SPARCL1: variants seen among roughly 807,000 people sequenced by gnomAD.
SPARCL1 encodes the protein SPARC like 1, also known as SPARC-like protein 1.
Under a neutral mutation model 67.1 loss-of-function variants are expected in SPARCL1, and 52 were observed. The observed-to-expected ratio is 0.78, with a 90% CI of 0.62 to 0.98. SPARCL1 has a LOEUF of 0.98. Ranked by LOEUF, SPARCL1 falls within the 50% of genes least tolerant of loss-of-function variation. The pLI is 0.00. For missense variants in SPARCL1, 717 were observed against 782.4 expected, an observed-to-expected ratio of 0.92 and a Z score of 1.00; for synonymous variants, 226 against 267.8, an observed-to-expected ratio of 0.84 and a Z score of 1.52.
chr4:87,479,368 C>T (rs941452039), intron 10 of SPARCL1, 62 bp downstream of exon 10: 3 of 1,544,232 alleles, frequency 1.9e-6, no homozygotes, highest in Non-Finnish European at 2.6e-6. Context: ...ATGAAGCATG[C>T]AGGGCTTAGG....
chr4:87,508,666 G>A (rs1212273751), intron 1 of SPARCL1, among the ~76,000 whole-genome samples: 1 of 151,752 alleles, frequency 6.6e-6, no homozygotes, highest in Non-Finnish European at 1.5e-5. Context: ...TAGAAGATTA[G>A]AGAGAGAGAA....
chr4:87,509,714 T>A (rs1332682415), intron 1 of SPARCL1, among the ~76,000 whole-genome samples: 2 of 152,178 alleles, frequency 1.3e-5, no homozygotes, highest in African/African-American at 4.8e-5. Flanking sequence ...CATAGTGCAT[T>A]AAACAAGGAA....
intron 1 of SPARCL1, among the ~76,000 whole-genome samples, chr4:87,522,409 A>G (rs376396590): frequency 6.6e-6 from 1 of 151,852 alleles, no homozygotes; most frequent in African/African-American, 2.4e-5. Flanking sequence ...TCCAGACGTT[A>G]AAAGTATACA....
chr4:87,499,718 T>C, intron 1 of SPARCL1, 133 bp from the exon 2 acceptor site: 1 of 723,392 alleles, frequency 1.4e-6, no homozygotes, highest in Non-Finnish European at 2.4e-6. Flanking sequence ...TGTGGATTAA[T>C]ATGTCTGAAA....
rs115341067 is a variant in SPARCL1 at position 87,525,727 on chromosome 4, G to A, written c.-12+3318C>T. Among the ~76,000 whole-genome samples the A allele has an allele frequency of 9.1e-3, 1,386 of 152,264 alleles. 15 individuals are homozygous for A. Among genetic ancestry groups the A allele is most frequent in the African/African-American group, 0.032 (1,312 of 41,550 alleles). The stretch of plus-strand genomic sequence containing the variant: ...TGTACATAAGTTGGTTGTGTAATAG[G>A]AAGGAAACAAGCCAGGACTGGAGAC... On this transcript the variant is annotated intron_variant, in intron 1 of 10. Coordinates refer to ENST00000282470, the MANE Select transcript of SPARCL1 (RefSeq NM_004684.6).
chr4:87,516,336 A>C (rs1725582191), intron 1 of SPARCL1, among the ~76,000 whole-genome samples: 1 of 152,216 alleles, frequency 6.6e-6, no homozygotes, highest in East Asian at 1.9e-4. Flanking sequence ...CTGAGTTTGT[A>C]AGAAGCCATA....
At chr4:87,500,798 A>C (rs1453910459) in intron 1 of SPARCL1, among the ~76,000 whole-genome samples, 8 of 104,638 alleles carry the variant, frequency 7.6e-5, no homozygotes, top group Admixed American at 1.7e-4. Context: ...GCGCACGCAC[A>C]TACGCGCGCA....
chr4:87,479,654 C>A, intron 9 of SPARCL1, 76 bp from the exon 10 acceptor site: 13 of 1,420,810 alleles, frequency 9.1e-6, no homozygotes, highest in Non-Finnish European at 1.3e-5. Context: ...TCACCAAGGA[C>A]ATTTTTCTCC....
chr4:87,485,064 T>C (rs932901838), intron 7 of SPARCL1, among the ~76,000 whole-genome samples: 16 of 152,122 alleles, frequency 1.1e-4, no homozygotes, highest in Admixed American at 9.8e-4. Context: ...TATTTCTTTC[T>C]CTTGCCTGAC....
At chr4:87,524,781 GA>G (rs1725972080) in intron 1 of SPARCL1, among the ~76,000 whole-genome samples, 1 of 152,154 alleles carries the variant, frequency 6.6e-6, no homozygotes, top group African/African-American at 2.4e-5. Flanking sequence ...ACCTAGACTG[GA>G]ACCTTGCTGT....
chr4:87,501,448 T>A (rs183646627), intron 1 of SPARCL1, among the ~76,000 whole-genome samples: 1 of 152,300 alleles, frequency 6.6e-6, no homozygotes, highest in Admixed American at 6.5e-5. Context: ...GAAAAATATC[T>A]GTATTTTACC....
In SPARCL1 at chr4:87,510,976, C is replaced by T. The variant is rs148971517; in HGVS notation, c.-11-11391G>A. Among the ~76,000 whole-genome samples the T allele has an allele frequency of 9.3e-3, 1,418 of 152,366 alleles. 18 individuals carry two copies. The highest frequency in any genetic ancestry group is 0.032 in the African/African-American group (1,322 of 41,586). ...TGCCAAAGTGGCCAGTTCCTGCCTT[C>T]GCTCGCTCAGGTTCCTGCAGTCATT... On this transcript the variant is annotated intron_variant, in intron 1 of 10. Coordinates refer to ENST00000282470, the MANE Select transcript of SPARCL1 (RefSeq NM_004684.6).
intron 1 of SPARCL1, among the ~76,000 whole-genome samples, chr4:87,521,044 G>T (rs1039245700): frequency 6.6e-6 from 1 of 152,042 alleles, no homozygotes; most frequent in African/African-American, 2.4e-5. Flanking sequence ...CGGTACTATG[G>T]TTTATTTTGC....
Position 87,515,634 on chromosome 4 carries a change from C to G in SPARCL1, c.-12+13411G>C, listed in dbSNP as rs1725550102. The stretch of plus-strand genomic sequence containing the variant: ...ACAGGGTGTCTCATTACCAAACTTT[C>G]AGGAGAACCTCAGCTGGAATTTTAA... On this transcript the variant is annotated intron_variant, in intron 1 of 10. Coordinates refer to ENST00000282470, the MANE Select transcript of SPARCL1 (RefSeq NM_004684.6). Among the ~76,000 whole-genome samples the G allele has an allele frequency of 2.0e-5, 3 of 152,266 alleles. No homozygotes were observed. In the South Asian group the frequency reaches 6.2e-4, roughly 32 times the overall value.
At chr4:87,521,427 T>C (rs934328238) in intron 1 of SPARCL1, among the ~76,000 whole-genome samples, 2 of 152,234 alleles carry the variant, frequency 1.3e-5, no homozygotes, top group African/African-American at 2.4e-5. Context: ...CTCTTTCATA[T>C]TGGCCACATC....
chr4:87,509,112 T>C (rs2110249788), intron 1 of SPARCL1, among the ~76,000 whole-genome samples: 1 of 149,916 alleles, frequency 6.7e-6, no homozygotes, highest in East Asian at 1.9e-4. Context: ...TATAAAATCA[T>C]ATAGTGTAAT....
At chr4:87,479,325 G>T in intron 10 of SPARCL1, 105 bp downstream of exon 10, 5 of 1,238,440 alleles carry the variant, frequency 4.0e-6, no homozygotes, top group Admixed American at 2.3e-5. Flanking sequence ...TTTTTTTCTA[G>T]CTTCCAATTC....
At chr4:87,490,950 A>G in intron 5 of SPARCL1, 72 bp from the exon 6 acceptor site, 1 of 940,976 alleles carries the variant, frequency 1.1e-6, no homozygotes, top group Non-Finnish European at 1.6e-6. Flanking sequence ...TCACTCAACT[A>G]GTTTCATTTT....
At chr4:87,499,686 A>G (rs1417780726) in intron 1 of SPARCL1, 101 bp from the exon 2 acceptor site, 1 of 838,104 alleles carries the variant, frequency 1.2e-6, no homozygotes, top group East Asian at 2.7e-5. Context: ...TGTCCTTGGC[A>G]TATAAAAGTG....
Sources: allele counts gnomAD v4.1 joint callset (sites outside exome capture counted in the v4.1 genomes callset), GRCh38; gene constraint gnomAD v4.1.1; transcripts MANE v1.5; gene names NCBI Gene and HGNC (gene_info 2026-07-23, HGNC 2026-07-21).